The following UTP20 variants were observed in gnomAD, a reference collection of about 807,000 sequenced individuals.
UTP20 encodes UTP20 small subunit processome component.
A neutral mutation model predicts 329.5 loss-of-function variants in UTP20; 164 were observed. The observed-to-expected ratio is 0.50, with a 90% confidence interval of 0.44 to 0.57. The LOEUF (loss-of-function observed/expected upper bound fraction) is 0.57. UTP20 is among the 20% of genes least tolerant of loss of function. The pLI is 0.00. For missense variants in UTP20, 3,055 were observed against 3,284.2 expected, an observed-to-expected ratio of 0.93 and a Z score of 1.71; for synonymous variants, 1,151 against 1,159.3, an observed-to-expected ratio of 0.99 and a Z score of 0.14.
chr12:101,383,472 A>G (rs1388467618), intron 59 of UTP20, 71 bp from the exon 60 acceptor site: 13 of 1,559,510 alleles, frequency 8.3e-6, no homozygotes, highest in African/African-American at 8.2e-5. Context: ...TGTTTTCTCA[A>G]TTAATGCTGT....
chr12:101,370,691 T>G, intron 50 of UTP20, 128 bp downstream of exon 50: 1 of 1,041,700 alleles, frequency 9.6e-7, no homozygotes, highest in Non-Finnish European at 1.4e-6. Flanking sequence ...AAGATTATTA[T>G]GATTTTGGTG....
chr12:101,287,389 T>C (rs963527095), intron 5 of UTP20, among the ~76,000 whole-genome samples: 1 of 152,262 alleles, frequency 6.6e-6, no homozygotes, highest in Non-Finnish European at 1.5e-5. Flanking sequence ...AATAATTGAT[T>C]TAGTTTTATG....
intron 38 of UTP20, 100 bp downstream of exon 38, chr12:101,346,688 AC>A: frequency 8.1e-7 from 1 of 1,228,908 alleles, no homozygotes; most frequent in Non-Finnish European, 1.1e-6. Flanking sequence ...TGATGTCATC[AC>A]CATAATTAGA....
chr12:101,371,145 C>T lies in UTP20; in HGVS notation c.6775C>T (p.Pro2259Ser), dbSNP rs771023694. 1.2e-6 allele frequency: 2 copies of T among 1,613,944 alleles called. No homozygotes were observed. Among genetic ancestry groups the T allele is most frequent in the Admixed American group, 3.3e-5 (2 of 59,988 alleles). ...SKLAVSAQSE[P>S]ARVQCRQVFL... is the part of the protein sequence containing the mutation. ...GTTGGCAGTCTCTGCACAAAGCGAACCTGCCAGGGTCCAGTGTAGACAGGT... is the reference window on the plus strand; with the variant it reads ...GTTGGCAGTCTCTGCACAAAGCGAATCTGCCAGGGTCCAGTGTAGACAGGT... The change falls in exon 51 of 62, where the codon CCT (proline) becomes TCT (serine). Residue 2259 changes from proline (P) to serine (S), a missense_variant. Physicochemically the swap from Pro to Ser is moderately conservative, Grantham distance 74 (BLOSUM62 -1). This residue lies in a region of UTP20 where 273 missense variants were observed against 363.1 expected (regional missense o/e 0.75). Coordinates refer to ENST00000261637, the MANE Select transcript of UTP20 (RefSeq NM_014503.3).
chr12:101,348,356 C>G (rs1417489023), intron 38 of UTP20, among the ~76,000 whole-genome samples: 1 of 151,646 alleles, frequency 6.6e-6, no homozygotes, highest in Non-Finnish European at 1.5e-5. Context: ...TTCTCTTTAT[C>G]TTTTTTCTAT....
chr12:101,308,433 T>C, intron 18 of UTP20, 90 bp downstream of exon 18: 1 of 651,716 alleles, frequency 1.5e-6, no homozygotes, highest in Non-Finnish European at 2.0e-6. Context: ...AAAATAATAA[T>C]AATAATAATA....
intron 24 of UTP20, 75 bp downstream of exon 24, chr12:101,321,012 G>GA: frequency 7.5e-7 from 1 of 1,335,652 alleles, no homozygotes; most frequent in Non-Finnish European, 1.0e-6. Flanking sequence ...GCCTCTTCTA[G>GA]AATAATTTAT....
chr12:101,346,007 G>A (rs1322752069), intron 37 of UTP20, among the ~76,000 whole-genome samples: 3 of 152,022 alleles, frequency 2.0e-5, no homozygotes, highest in East Asian at 1.9e-4. Flanking sequence ...CAAGGCACAG[G>A]TGTTTGCTCT....
chr12:101,329,184 A>G, intron 26 of UTP20, 57 bp from the exon 27 acceptor site: 1 of 1,420,756 alleles, frequency 7.0e-7, no homozygotes, highest in Non-Finnish European at 9.8e-7. Flanking sequence ...ACAATTATAA[A>G]TAGTAACAAA....
rs1872762158 is a variant in UTP20, at chr12:101,310,637, C to T, written c.2231+798C>T. Among the ~76,000 whole-genome samples the T allele has an allele frequency of 2.1e-5, 3 of 145,808 alleles. No individual in the cohort carries two copies. In the South Asian group the frequency reaches 6.5e-4, roughly 32 times the overall value. Reference sequence around the variant, plus strand: ...TCATGTGTAGAAATCTGTCTTCAGACATTTGTCTTCAGATAATACACACTC... The same window carrying T: ...TCATGTGTAGAAATCTGTCTTCAGATATTTGTCTTCAGATAATACACACTC... On this transcript the variant is annotated intron_variant, in intron 19 of 61. Transcript: ENST00000261637.
At chr12:101,375,036 T>A in intron 55 of UTP20, 97 bp downstream of exon 55, 8 of 793,092 alleles carry the variant, frequency 1.0e-5, no homozygotes, top group Non-Finnish European at 1.6e-5. Context: ...GGTTAAATAT[T>A]TATATTTATA....
rs750574576 is a variant in UTP20, at chr12:101,381,180, C to T, written c.7625C>T (p.Ser2542Phe). 1.9e-6 allele frequency: 3 copies of T among 1,614,020 alleles called. No homozygotes were observed. The highest frequency in any genetic ancestry group is 3.3e-5 in the Admixed American group (2 of 60,022). ...ISLASCHQLH[S>F]KFLDQSLGEQ... The stretch of plus-strand genomic sequence containing the variant: ...CTCGCCTCTTGCCATCAATTGCATT[C>T]CAAATTCTTGGATCAGTCTCTAGGA... Residue 2542 changes from serine to phenylalanine, a missense_variant, in exon 58 of 62, where the codon TCC becomes TTC. Ser to Phe is a radical substitution (Grantham distance 155). Coordinates refer to ENST00000261637, the MANE Select transcript of UTP20 (RefSeq NM_014503.3).
At chr12:101,291,912 C>G in intron 9 of UTP20, 24 bp downstream of exon 9, 1 of 1,607,978 alleles carries the variant, frequency 6.2e-7, no homozygotes, top group Non-Finnish European at 8.5e-7. Context: ...TTAATATGCT[C>G]GAGAGTCTGG....
intron 7 of UTP20, 88 bp from the exon 8 acceptor site, chr12:101,290,645 T>A: frequency 7.2e-7 from 1 of 1,395,628 alleles, no homozygotes; most frequent in Non-Finnish European, 9.6e-7. Context: ...ATTTTTAAGG[T>A]AGCTAATGTA....
chr12:101,374,997 G>A, intron 55 of UTP20, 58 bp downstream of exon 55: 1 of 1,260,640 alleles, frequency 7.9e-7, no homozygotes, highest in Non-Finnish European at 1.2e-6. Context: ...TTGAGGTGAT[G>A]TAGCTAACAG....
At chr12:101,354,514 A>AGGG (rs1869649461) in intron 40 of UTP20, among the ~76,000 whole-genome samples, 1 of 152,104 alleles carries the variant, frequency 6.6e-6, no homozygotes, top group African/African-American at 2.4e-5. Flanking sequence ...ATGCTCATGA[A>AGGG]GGGAGGTGCT....
chr12:101,372,959 C>G lies in UTP20; in HGVS notation c.6874C>G (p.Leu2292Val). 6.2e-7 allele frequency: 1 copy of G among 1,613,486 alleles called. No homozygotes were observed. The highest frequency in any genetic ancestry group is 8.5e-7 in the Non-Finnish European group (1 of 1,179,394). Residue 2292 changes from leucine (L) to valine (V), a missense_variant, in exon 52 of 62, where the codon CTG (leucine) becomes GTG (valine). Around this residue, in one of 3 missense-constraint regions of UTP20, gnomAD observed 273 missense variants for 363.1 expected, o/e 0.75. Coordinates refer to ENST00000261637, the MANE Select transcript of UTP20 (RefSeq NM_014503.3). Reference protein sequence around the residue: ...RPNLEFMLAQLNYEHETGRES... With the variant: ...RPNLEFMLAQVNYEHETGRES... ...AAACTTGGAATTCATGCTCGCTCAA[C>G]TGAAGTAAGCTTAAGCTATTAACTA... is the stretch of plus-strand genomic sequence containing the variant.
At chr12:101,348,807 C>T (rs1219054355) in intron 38 of UTP20, among the ~76,000 whole-genome samples, 1 of 138,848 alleles carries the variant, frequency 7.2e-6, no homozygotes, top group Non-Finnish European at 1.5e-5. Context: ...AAACACCTGG[C>T]CTCAAGCAAC....
At position 101,281,181 on chromosome 12, in the gene UTP20, T is replaced by C. The variant is rs1593413775; in HGVS notation, c.111T>C (p.Thr37=). 1.2e-6 allele frequency: 2 copies of C among 1,613,458 alleles called. No homozygotes were observed. Among genetic ancestry groups the C allele is most frequent in the African/African-American group, 2.7e-5 (2 of 75,036 alleles). ...ATATTATTCACCGGATTGATAGAAC[T>C]GCAAGCTATGAGGAGGTAAGAGAAT... is the stretch of plus-strand genomic sequence containing the variant. The part of the protein sequence containing the change: ...NIDIIHRIDR[T]ASYEEEVETY... Residue 37 remains threonine (T), a synonymous_variant, in exon 2 of 62, where the codon ACT becomes ACC. Transcript: ENST00000261637.
Sources: allele counts gnomAD v4.1 joint callset (sites outside exome capture counted in the v4.1 genomes callset), GRCh38; gene constraint gnomAD v4.1.1; regional missense constraint gnomAD v4.1.1; transcripts MANE v1.5; gene names NCBI Gene and HGNC (gene_info 2026-07-23, HGNC 2026-07-21).